SNX8: variants seen among roughly 807,000 people sequenced by gnomAD.
SNX8 encodes the protein sorting nexin 8.
In SNX8, 25 loss-of-function variants were observed where a neutral mutation model predicts 51.6. That is an observed-to-expected ratio of 0.48 (90% CI 0.35 to 0.68). The LOEUF is 0.68. Among genes scored for constraint, SNX8 ranks in the 30% least tolerant of loss-of-function variants. SNX8 has a pLI of 0.00. For synonymous variants in SNX8, 324 were observed against 277.0 expected, an observed-to-expected ratio of 1.17 and a Z score of -1.68; for missense variants, 695 against 624.0, an observed-to-expected ratio of 1.11 and a Z score of -1.21.
At chr7:2,276,573 T>C (rs1298720686) in intron 2 of SNX8, among the ~76,000 whole-genome samples, 7 of 145,678 alleles carry the variant, frequency 4.8e-5, no homozygotes, top group Non-Finnish European at 9.0e-5. Flanking sequence ...CGGGCCAAAG[T>C]GAGAGGACTG....
In SNX8 at chr7:2,263,361, C is replaced by T; in HGVS notation, c.784G>A (p.Ala262Thr). ...AGCGGGGTCGTGTCAGACCCTATTG[C>T]ACTGAGGGAGCAAGCACACAGGAGA... ...DLLIFGKELS[A>T]IGSDTTPLPS... is the part of the protein sequence containing the mutation. Residue 262 changes from alanine to threonine, a missense_variant and splice_region_variant, in exon 7 of 11, where the codon GCA becomes ACA. Ala to Thr is a moderately conservative substitution (Grantham distance 58). Coordinates refer to ENST00000222990, the MANE Select transcript of SNX8 (RefSeq NM_013321.4). The T allele has an allele frequency of 6.3e-7, 1 of 1,595,836 alleles. No individual in the cohort carries two copies. Among genetic ancestry groups the T allele is most frequent in the Non-Finnish European group, 8.5e-7 (1 of 1,171,164 alleles).
At chr7:2,286,307 C>A (rs1796027204) in intron 1 of SNX8, among the ~76,000 whole-genome samples, 1 of 152,092 alleles carries the variant, frequency 6.6e-6, no homozygotes, top group South Asian at 2.1e-4. Flanking sequence ...CCACCTCACC[C>A]AGCCTAGGTC....
intron 1 of SNX8, among the ~76,000 whole-genome samples, chr7:2,329,278 A>C (rs541357970): frequency 2.6e-5 from 4 of 151,484 alleles, no homozygotes; most frequent in Non-Finnish European, 5.9e-5. Context: ...CAAAAAAATA[A>C]ATAAATAAAA....
chr7:2,348,489 C>T (rs1779076454), intron 1 of SNX8, among the ~76,000 whole-genome samples: 1 of 151,484 alleles, frequency 6.6e-6, no homozygotes, highest in South Asian at 2.1e-4. Flanking sequence ...TACAGGCGCC[C>T]GCCACCAGGC....
chr7:2,295,064 A>G (rs1175277319), intron 1 of SNX8, among the ~76,000 whole-genome samples: 1 of 152,006 alleles, frequency 6.6e-6, no homozygotes, highest in Non-Finnish European at 1.5e-5. Flanking sequence ...TAAAATAATA[A>G]AAGACAAGAC....
intron 1 of SNX8, among the ~76,000 whole-genome samples, chr7:2,329,269 AAAAAAATAAATAAATAAAAATAAAAAT>A (rs1217858943): frequency 1.3e-5 from 2 of 151,582 alleles, no homozygotes; most frequent in Admixed American, 1.3e-4. Flanking sequence ...AGTCCATCTC[AAAAAAATAAATAAATAAAAATAAAAAT>A]AAAAAATAAA....
At chr7:2,311,324 C>T (rs10269658) in intron 1 of SNX8, among the ~76,000 whole-genome samples, 13,122 of 152,258 alleles carry the variant, frequency 0.086, 1,515 homozygotes, top group African/African-American at 0.26. Context: ...ACGTGTAAGT[C>T]ACACACATAG....
rs942726052 is a variant in SNX8 at position 2,254,834 on chromosome 7, CGACCAGGCTAGCAG to C, written c.*208_*221del. 1.2e-5 allele frequency: 7 copies of C among 582,540 alleles called. No homozygotes were observed. The highest frequency in any genetic ancestry group is 3.0e-5 in the Admixed American group (1 of 32,942). 36.1% of individuals were successfully genotyped at this position (582,540 alleles called of 1,614,324 possible). A position where few individuals can be genotyped will look rare whatever the true frequency, so the allele number is the denominator to read the frequency against. On this transcript the variant is annotated 3_prime_UTR_variant, in exon 11 of 11. Coordinates refer to ENST00000222990, the MANE Select transcript of SNX8 (RefSeq NM_013321.4). Reference sequence around the variant, plus strand: ...TTCCAGAGAACCCCACCACCTCTCTCGACCAGGCTAGCAGGCCACAGGGCGAAGGACAGTGTGGC... The same window carrying C: ...TTCCAGAGAACCCCACCACCTCTCTCGCCACAGGGCGAAGGACAGTGTGGC...
At chr7:2,304,463 G>T (rs2115192311) in intron 1 of SNX8, among the ~76,000 whole-genome samples, 1 of 151,918 alleles carries the variant, frequency 6.6e-6, no homozygotes, top group South Asian at 2.1e-4. Flanking sequence ...AGAATGGCGT[G>T]AACCCGGGAG....
At position 2,252,804 on chromosome 7, in the gene SNX8, C is replaced by T. The variant is rs1795073871; in HGVS notation, c.*2252G>A. The T allele has an allele frequency of 7.1e-6, 1 of 140,834 alleles. No individual in the cohort carries two copies. Among genetic ancestry groups the T allele is most frequent in the Non-Finnish European group, 1.5e-5 (1 of 65,920 alleles). The allele number at this position is 140,834 out of a possible 1,614,324, so 8.7% of individuals were successfully genotyped here. A position where few individuals can be genotyped will look rare whatever the true frequency, so the allele number is the denominator to read the frequency against. On this transcript the variant is annotated 3_prime_UTR_variant, in exon 11 of 11. Coordinates refer to ENST00000222990, the MANE Select transcript of SNX8 (RefSeq NM_013321.4). ...TCCCTTACCCGTTCTCCTGCTCCCT[C>T]CTCACCCCTGCCCTCCTATTCCCCA...
chr7:2,276,775 T>A (rs1795790485), intron 2 of SNX8, among the ~76,000 whole-genome samples: 1 of 151,950 alleles, frequency 6.6e-6, no homozygotes, highest in African/African-American at 2.4e-5. Context: ...TGAGATCCCA[T>A]CTCTACAAAT....
chr7:2,290,231 T>A (rs995492683), intron 1 of SNX8, among the ~76,000 whole-genome samples: 28 of 152,078 alleles, frequency 1.8e-4, no homozygotes, highest in African/African-American at 6.0e-4. Flanking sequence ...GCCAGTGCAA[T>A]GGCTCGTACC....
At chr7:2,305,092 C>T (rs1480518715) in intron 1 of SNX8, among the ~76,000 whole-genome samples, 1 of 152,084 alleles carries the variant, frequency 6.6e-6, no homozygotes, top group East Asian at 1.9e-4. Flanking sequence ...GGTGGGTCAC[C>T]GAAACAGCTG....
intron 1 of SNX8, among the ~76,000 whole-genome samples, chr7:2,332,462 A>G (rs1417294333): frequency 1.3e-5 from 2 of 152,034 alleles, no homozygotes; most frequent in Non-Finnish European, 2.9e-5. Context: ...AACCAACACA[A>G]TCTTAGAGAA....
intron 1 of SNX8, among the ~76,000 whole-genome samples, chr7:2,290,134 A>C (rs948023646): frequency 1.3e-5 from 2 of 152,156 alleles, no homozygotes; most frequent in African/African-American, 4.8e-5. Flanking sequence ...TGGAGGTTGC[A>C]GTGCGCGGAG....
At chr7:2,307,542 G>A (rs1355969321) in intron 1 of SNX8, among the ~76,000 whole-genome samples, 1 of 146,918 alleles carries the variant, frequency 6.8e-6, no homozygotes, top group Non-Finnish European at 1.5e-5. Context: ...TGAGGCAGAA[G>A]ACTCGCTTGA....
At chr7:2,352,666 A>G (rs112635499) in intron 1 of SNX8, among the ~76,000 whole-genome samples, 1,524 of 152,006 alleles carry the variant, frequency 0.01, 22 homozygotes, top group African/African-American at 0.03. Context: ...CCTCGTCTCT[A>G]CTAAAAAAAT....
intron 1 of SNX8, among the ~76,000 whole-genome samples, chr7:2,332,864 G>C (rs1391524660): frequency 6.6e-6 from 1 of 150,856 alleles, no homozygotes; most frequent in Non-Finnish European, 1.5e-5. Context: ...AAAAGAGAGA[G>C]AGAGAAAGAA....
intron 1 of SNX8, among the ~76,000 whole-genome samples, chr7:2,287,396 T>C (rs973207747): frequency 2.6e-5 from 4 of 151,966 alleles, no homozygotes; most frequent in African/African-American, 7.3e-5. Flanking sequence ...CTGGCCAACA[T>C]AGAGAAACCC....
Sources: gnomAD v4.1 joint callset for allele counts (sites outside exome capture counted in the v4.1 genomes callset) on GRCh38, gnomAD v4.1.1 for gene constraint, MANE v1.5 for transcripts, NCBI Gene and HGNC (gene_info 2026-07-23, HGNC 2026-07-21) for gene names.